Variants in CYTH3 observed in about 807,000 individuals in gnomAD.
The protein encoded by CYTH3 is cytohesin 3.
CYTH3 carries 23 observed loss-of-function variants against 55.1 expected under a neutral mutation model. The ratio of observed to expected loss-of-function variants is 0.42; its 90% CI spans 0.30 to 0.59. The LOEUF is 0.59. Among genes scored for constraint, CYTH3 ranks in the 20% least tolerant of loss-of-function variants. CYTH3 has a pLI of 0.20. For synonymous variants in CYTH3, 249 were observed against 194.9 expected (o/e 1.28, Z -2.31); for missense variants, 413 against 524.8 (o/e 0.79, Z 2.08).
intron 1 of CYTH3, among the ~76,000 whole-genome samples, chr7:6,225,941 C>T (rs188842570): frequency 6.6e-6 from 1 of 152,192 alleles, no homozygotes; most frequent in African/African-American, 2.4e-5. Context: ...ACGCCTCAGC[C>T]TTCCAAAGTG....
Position 6,191,468 on chromosome 7 carries a change from A to C in CYTH3, c.35-937T>G, listed in dbSNP as rs17136073. Among the ~76,000 whole-genome samples, 188 of 152,276 alleles carry C rather than the reference A, an allele frequency of 1.2e-3. 3 individuals carry two copies. The highest frequency in any genetic ancestry group is 0.01 in the Admixed American group (153 of 15,288). On this transcript the variant is annotated intron_variant, in intron 1 of 12. Transcript: ENST00000350796. ...AAATAAAAGCAGATTGTATGTTATC[A>C]ATCACACATATTTTCAATCAATTAC...
At chr7:6,175,218 T>C (rs1405815856) in intron 5 of CYTH3, among the ~76,000 whole-genome samples, 1 of 152,192 alleles carries the variant, frequency 6.6e-6, no homozygotes, top group Non-Finnish European at 1.5e-5. Context: ...TTTTTCAGGC[T>C]AGTCAAGTGA....
Position 6,170,283 on chromosome 7 carries a change from TCAG to T in CYTH3, c.823+249_823+251del. 3.9e-6 allele frequency: 2 copies of T among 511,060 alleles called. No homozygotes were observed. Among genetic ancestry groups the T allele is most frequent in the South Asian group, 5.5e-5 (2 of 36,406 alleles). The allele number at this position is 511,060 out of a possible 1,614,324, so 31.7% of individuals were successfully genotyped here. ...GCCCTGGCTGGATCTGGATGCTAAC[TCAG>T]CAGTTTTCTGGGACGGGCCGTGCAG... On this transcript the variant is annotated intron_variant, in intron 9 of 12. Transcript: ENST00000350796. The surrounding 1 kb of genome is among the most constrained non-coding windows in gnomAD (Gnocchi z 7.8).
At chr7:6,184,053 T>C (rs1026633384) in intron 4 of CYTH3, among the ~76,000 whole-genome samples, 1 of 113,734 alleles carries the variant, frequency 8.8e-6, no homozygotes, top group African/African-American at 3.8e-5. Flanking sequence ...CTGTGGCTTT[T>C]TTTTTTTTTT....
chr7:6,206,452 G>C (rs139665723), intron 1 of CYTH3, among the ~76,000 whole-genome samples: 5 of 152,202 alleles, frequency 3.3e-5, no homozygotes, highest in African/African-American at 1.2e-4. Flanking sequence ...GGGTAATCTG[G>C]GGAGGCAGAA....
intron 5 of CYTH3, among the ~76,000 whole-genome samples, chr7:6,175,775 G>A (rs527762813): frequency 4.6e-5 from 7 of 152,198 alleles, no homozygotes; most frequent in African/African-American, 1.4e-4. Flanking sequence ...TTAAACTCCT[G>A]ACCTCAGGTG....
intron 1 of CYTH3, among the ~76,000 whole-genome samples, chr7:6,267,809 A>C (rs920770563): frequency 6.6e-6 from 1 of 152,192 alleles, no homozygotes; most frequent in African/African-American, 2.4e-5. Context: ...GGCGTGAGCC[A>C]TTGCGCCCAG....
At chr7:6,177,124 C>G (rs1259325783) in intron 5 of CYTH3, among the ~76,000 whole-genome samples, 1 of 152,198 alleles carries the variant, frequency 6.6e-6, no homozygotes, top group Admixed American at 6.5e-5. Context: ...ATAGGGTCTG[C>G]CATTTTCTAG....
chr7:6,203,283 CT>C (rs969418826), intron 1 of CYTH3, among the ~76,000 whole-genome samples: 3 of 151,602 alleles, frequency 2.0e-5, no homozygotes, highest in East Asian at 1.9e-4. Flanking sequence ...ATAAGATGTG[CT>C]TTTTTTTCAC....
intron 5 of CYTH3, among the ~76,000 whole-genome samples, chr7:6,174,777 A>G (rs1009375012): frequency 4.0e-5 from 6 of 150,292 alleles, no homozygotes; most frequent in South Asian, 4.2e-4. Flanking sequence ...TAGATCTCCT[A>G]ACCTCGTGAT....
intron 1 of CYTH3, among the ~76,000 whole-genome samples, chr7:6,238,766 C>A (rs771072865): frequency 6.6e-6 from 1 of 152,066 alleles, no homozygotes; most frequent in East Asian, 1.9e-4. Context: ...TGTCGACAGC[C>A]GGGGAAGGCT....
At chr7:6,250,677 G>A (rs1779938580) in intron 1 of CYTH3, among the ~76,000 whole-genome samples, 1 of 152,252 alleles carries the variant, frequency 6.6e-6, no homozygotes, top group Non-Finnish European at 1.5e-5. Flanking sequence ...GCCAGGGGTT[G>A]CAGAGGAGGG....
intron 4 of CYTH3, 49 bp from the exon 5 acceptor site, chr7:6,177,990 C>T (rs778323257): frequency 1.4e-5 from 20 of 1,430,170 alleles, no homozygotes; most frequent in Non-Finnish European, 1.9e-5. Context: ...CACTCAAACT[C>T]ATTTTTCAAA....
chr7:6,272,554 G>C lies in CYTH3; in HGVS notation c.-47C>G. 2 of 1,262,958 alleles carry C rather than the reference G, an allele frequency of 1.6e-6. No homozygotes were observed. The highest frequency in any genetic ancestry group is 2.0e-6 in the Non-Finnish European group (2 of 993,500). 78.2% of individuals were successfully genotyped at this position (1,262,958 alleles called of 1,614,324 possible). On this transcript the variant is annotated 5_prime_UTR_variant, in exon 1 of 13. Transcript: ENST00000350796. ...GGCGAGCCGGGGGCCGGCAGCAGAG[G>C]GGCCGCGGGCTGGGGACGCCGCCGG...
At chr7:6,186,737 G>A (rs1183984230) in intron 4 of CYTH3, among the ~76,000 whole-genome samples, 1 of 152,090 alleles carries the variant, frequency 6.6e-6, no homozygotes, top group African/African-American at 2.4e-5. Flanking sequence ...TATGAGCCTC[G>A]ACAGCAAGGG....
Position 6,187,093 on chromosome 7 carries a change from T to G in CYTH3, c.206A>C (p.Gln69Pro). 6.2e-7 allele frequency: 1 copy of G among 1,614,230 alleles called. No individual in the cohort carries two copies. Among genetic ancestry groups the G allele is most frequent in the Non-Finnish European group, 8.5e-7 (1 of 1,180,022 alleles). ...GAATTTCTTTCTTCCCATGGCTATCTGTTTGTTCCTCTGAGTCGTTTTGCT... is the reference window on the plus strand; with the variant it reads ...GAATTTCTTTCTTCCCATGGCTATCGGTTTGTTCCTCTGAGTCGTTTTGCT... ...EESKTTQRNK[Q>P]IAMGRKKFNM... is the part of the protein sequence containing the mutation. The change falls in exon 4 of 13, where the codon CAG (glutamine) becomes CCG (proline). Residue 69 changes from glutamine to proline, a missense_variant. Gln to Pro is a moderately conservative substitution (Grantham distance 76). Around this residue, in one of 4 missense-constraint regions of CYTH3, gnomAD observed 152 missense variants for 148.1 expected, o/e 1.03. Coordinates refer to ENST00000350796, the MANE Select transcript of CYTH3 (RefSeq NM_004227.4).
At chr7:6,272,191 C>T (rs1432607899) in intron 1 of CYTH3, among the ~76,000 whole-genome samples, 7 of 152,136 alleles carry the variant, frequency 4.6e-5, no homozygotes, top group Non-Finnish European at 2.9e-5. Flanking sequence ...ACCCAAACCC[C>T]GGCCCGAGAC....
intron 4 of CYTH3, among the ~76,000 whole-genome samples, chr7:6,178,691 T>C (rs1049463913): frequency 2.0e-5 from 3 of 152,206 alleles, no homozygotes; most frequent in South Asian, 4.1e-4. Flanking sequence ...CTGTGTAAGA[T>C]ACATTTTGTT....
At chr7:6,165,457 CA>C in intron 11 of CYTH3, 30 bp from the exon 12 acceptor site, 2 of 1,609,052 alleles carry the variant, frequency 1.2e-6, no homozygotes, top group East Asian at 2.2e-5. Context: ...GGGAGGCGGT[CA>C]GGGGGGCTTG....
Sources: gnomAD v4.1 joint callset for allele counts (sites outside exome capture counted in the v4.1 genomes callset) on GRCh38, gnomAD v4.1.1 for gene constraint, gnomAD v4.1.1 regional missense constraint, Gnocchi (gnomAD v3.1) non-coding constraint, MANE v1.5 for transcripts, NCBI Gene and HGNC (gene_info 2026-07-23, HGNC 2026-07-21) for gene names.